KRT86: variants seen among roughly 807,000 people sequenced by gnomAD.
KRT86 encodes keratin 86.
In KRT86, 30 loss-of-function variants were observed where a neutral mutation model predicts 41.2. The ratio of observed to expected loss-of-function variants is 0.73; its 90% CI spans 0.54 to 0.99. The LOEUF (loss-of-function observed/expected upper bound fraction) is 0.99. Among genes scored for constraint, KRT86 ranks in the 50% least tolerant of loss-of-function variants. The pLI is 0.00. For synonymous variants in KRT86, 238 were observed against 238.1 expected (o/e 1.00, Z 0.00); for missense variants, 561 against 571.4 (o/e 0.98, Z 0.19).
At chr12:52,278,612 C>T (rs1431341308) in intron 2 of KRT86, among the ~76,000 whole-genome samples, 1 of 152,088 alleles carries the variant, frequency 6.6e-6, no homozygotes, top group Non-Finnish European at 1.5e-5. Context: ...AATACCAAAC[C>T]TAGTAGACAG....
intron 1 of KRT86, 49 bp downstream of exon 1, chr12:52,274,771 T>C: frequency 1.1e-5 from 11 of 981,778 alleles, no homozygotes; most frequent in Non-Finnish European, 1.3e-5. Context: ...TGAGGTGTCT[T>C]GGACTTCACC....
chr12:52,285,597 A>G (rs1182789712), intron 2 of KRT86, among the ~76,000 whole-genome samples: 3 of 152,206 alleles, frequency 2.0e-5, no homozygotes, highest in African/African-American at 7.2e-5. Flanking sequence ...TAGTGAAATG[A>G]GCACTAGCGA....
In KRT86 at chr12:52,285,090, C is replaced by T. The variant is rs141444889; in HGVS notation, c.-5+9144C>T. ...TGGCATGCACCATCTAAACCTTTTA[C>T]GTATATGAAATCCTTTAACTCATCA... On this transcript the variant is annotated intron_variant, in intron 2 of 10. Coordinates refer to ENST00000423955, the MANE Select transcript of KRT86 (RefSeq NM_001320198.2). Among the ~76,000 whole-genome samples, 690 of 152,334 alleles carry T rather than the reference C, an allele frequency of 4.5e-3. 7 individuals are homozygous for T. Among genetic ancestry groups the T allele is most frequent in the African/African-American group, 0.016 (664 of 41,572 alleles).
chr12:52,279,312 C>T (rs1020966220), intron 2 of KRT86, among the ~76,000 whole-genome samples: 4 of 152,256 alleles, frequency 2.6e-5, no homozygotes, highest in African/African-American at 9.6e-5. Context: ...TGCCCCCTCC[C>T]ATAGAGCTGA....
At position 52,291,368 on chromosome 12, in the gene KRT86, C is replaced by T; in HGVS notation, c.-4-10545C>T. ...GAGGCCGCGGTAGCAGGAGATGCCACGGTAGGGGGCGGCGGTGATGCAGCA... is the reference window on the plus strand; with the variant it reads ...GAGGCCGCGGTAGCAGGAGATGCCATGGTAGGGGGCGGCGGTGATGCAGCA... On this transcript the variant is annotated intron_variant, in intron 2 of 10. Coordinates refer to ENST00000423955, the MANE Select transcript of KRT86 (RefSeq NM_001320198.2). The T allele has an allele frequency of 2.5e-6, 4 of 1,601,118 alleles. No individual in the cohort carries two copies. The highest frequency in any genetic ancestry group is 3.4e-6 in the Non-Finnish European group (4 of 1,174,584).
chr12:52,276,766 C>T (rs1937641437), intron 2 of KRT86, among the ~76,000 whole-genome samples: 1 of 152,176 alleles, frequency 6.6e-6, no homozygotes, highest in South Asian at 2.1e-4. Context: ...TTTCTTTCTC[C>T]CATTCTCTCT....
chr12:52,286,695 T>C (rs1029104417), intron 2 of KRT86: 3 of 1,395,052 alleles, frequency 2.2e-6, no homozygotes, highest in African/African-American at 2.8e-5. Context: ...CAGCCCACTC[T>C]TTTATATTCA....
intron 3 of KRT86, among the ~76,000 whole-genome samples, chr12:52,302,809 C>T (rs1938412712): frequency 6.9e-6 from 1 of 145,266 alleles, no homozygotes; most frequent in Non-Finnish European, 1.5e-5. Context: ...GGGACTGAGC[C>T]TCTACTTCTG....
At chr12:52,282,951 T>C (rs994486994) in intron 2 of KRT86, among the ~76,000 whole-genome samples, 1 of 152,262 alleles carries the variant, frequency 6.6e-6, no homozygotes, top group Non-Finnish European at 1.5e-5. Flanking sequence ...TGTACCTGGA[T>C]GCAATCATAT....
intron 2 of KRT86, among the ~76,000 whole-genome samples, chr12:52,294,876 G>A (rs1431567424): frequency 1.3e-5 from 2 of 152,144 alleles, no homozygotes; most frequent in East Asian, 3.8e-4. Flanking sequence ...TCACATAAAT[G>A]GACTCATGTT....
At chr12:52,301,289 T>C (rs1938367179) in intron 2 of KRT86, among the ~76,000 whole-genome samples, 1 of 151,836 alleles carries the variant, frequency 6.6e-6, no homozygotes, top group Admixed American at 6.6e-5. Flanking sequence ...TAGGTATAGA[T>C]AAGGGATTTG....
intron 5 of KRT86, among the ~76,000 whole-genome samples, chr12:52,304,560 G>A (rs1938456449): frequency 6.6e-6 from 1 of 151,928 alleles, no homozygotes; most frequent in Non-Finnish European, 1.5e-5. Flanking sequence ...GGTTCTAAGG[G>A]GGGATGGAGA....
intron 2 of KRT86, among the ~76,000 whole-genome samples, chr12:52,299,716 A>G (rs1938329401): frequency 1.3e-5 from 2 of 152,200 alleles, no homozygotes. Context: ...TTTTCAATAT[A>G]CCTGTTGGTC....
chr12:52,275,780 C>A, intron 1 of KRT86, 41 bp from the exon 2 acceptor site: 1 of 966,446 alleles, frequency 1.0e-6, no homozygotes, highest in Non-Finnish European at 1.2e-6. Flanking sequence ...CTGGCCTCCT[C>A]ACCTCCTGAC....
chr12:52,282,716 C>G (rs1937804110), intron 2 of KRT86, among the ~76,000 whole-genome samples: 1 of 152,202 alleles, frequency 6.6e-6, no homozygotes, highest in Non-Finnish European at 1.5e-5. Context: ...AGCATCTGCC[C>G]ATCACTACGC....
At chr12:52,275,460 G>A (rs1340890752) in intron 1 of KRT86, among the ~76,000 whole-genome samples, 1 of 152,138 alleles carries the variant, frequency 6.6e-6, no homozygotes, top group East Asian at 1.9e-4. Context: ...AATTTAAATG[G>A]TTAGATGTTG....
chr12:52,301,273 T>C (rs1447071953), intron 2 of KRT86, among the ~76,000 whole-genome samples: 1 of 151,732 alleles, frequency 6.6e-6, no homozygotes, highest in African/African-American at 2.4e-5. Context: ...GAAAAAAACA[T>C]GTTGATAGGT....
At chr12:52,285,922 T>G in intron 2 of KRT86, 1 of 387,794 alleles carries the variant, frequency 2.6e-6, no homozygotes. Flanking sequence ...GTTGGCTACA[T>G]TAATTTATTG....
chr12:52,287,895 A>G, intron 2 of KRT86: 1 of 1,609,644 alleles, frequency 6.2e-7, no homozygotes, highest in Non-Finnish European at 8.5e-7. Context: ...CCTAGGGACC[A>G]GCATCCCCAG....
Sources: gnomAD v4.1 joint callset for allele counts (sites outside exome capture counted in the v4.1 genomes callset) on GRCh38, gnomAD v4.1.1 for gene constraint, MANE v1.5 for transcripts, NCBI Gene and HGNC (gene_info 2026-07-23, HGNC 2026-07-21) for gene names.